The following ASPRV1 variants were observed in gnomAD, a reference collection of about 807,000 sequenced individuals.
ASPRV1 encodes aspartic peptidase retroviral like 1, also known as retroviral-like aspartic protease 1.
A neutral mutation model predicts 11.0 loss-of-function variants in ASPRV1; 7 were observed. The ratio of observed to expected loss-of-function variants is 0.64; its 90% CI spans 0.36 to 1.20. The LOEUF (loss-of-function observed/expected upper bound fraction) is 1.20. Among genes scored for constraint, ASPRV1 ranks in the 50% most tolerant of loss-of-function variants. ASPRV1 has a pLI of 0.02. For missense variants in ASPRV1, 299 were observed against 320.0 expected, an observed-to-expected ratio of 0.93 and a Z score of 0.50; for synonymous variants, 136 against 138.4, an observed-to-expected ratio of 0.98 and a Z score of 0.12.
chr2:69,955,005 G>C, the ASPRV1 span, among the ~76,000 whole-genome samples: 1 of 152,218 alleles, frequency 6.6e-6, no homozygotes, highest in African/African-American at 2.4e-5. Context: ...ACAATATCAA[G>C]CAGTCAAAAC....
At chr2:70,002,058 T>C in the ASPRV1 span, among the ~76,000 whole-genome samples, 1 of 152,136 alleles carries the variant, frequency 6.6e-6, no homozygotes, top group Non-Finnish European at 1.5e-5. Context: ...ACCATAGCAA[T>C]GTGTATCTCT....
At chr2:69,948,844 TCCCCCGCGGCGGGTCC>T in the ASPRV1 span, among the ~76,000 whole-genome samples, 1 of 151,732 alleles carries the variant, frequency 6.6e-6, no homozygotes, top group South Asian at 2.1e-4. Flanking sequence ...CACTCAGGCC[TCCCCCGCGGCGGGTCC>T]CCACCTGATC....
chr2:69,986,776 G>T, the ASPRV1 span, among the ~76,000 whole-genome samples: 13 of 152,228 alleles, frequency 8.5e-5, no homozygotes, highest in Admixed American at 6.5e-5. Context: ...CACCCATTGG[G>T]ACATTTGTGG....
the ASPRV1 span, among the ~76,000 whole-genome samples, chr2:69,953,420 C>T: frequency 3.9e-5 from 6 of 152,218 alleles, no homozygotes; most frequent in Admixed American, 6.5e-5. Context: ...GGACATAAGA[C>T]GGGGCCTCCT....
At chr2:70,064,590 C>T in the ASPRV1 span, among the ~76,000 whole-genome samples, 5 of 152,054 alleles carry the variant, frequency 3.3e-5, no homozygotes, top group East Asian at 5.8e-4. Flanking sequence ...GAAGAGCACA[C>T]GCAAAGGCCT....
At chr2:69,948,083 CAAAA>C in the ASPRV1 span, among the ~76,000 whole-genome samples, 1 of 137,948 alleles carries the variant, frequency 7.2e-6, no homozygotes, top group Non-Finnish European at 1.6e-5. Flanking sequence ...CCCCGTCTCT[CAAAA>C]AAAAAAAAAA....
At chr2:70,000,258 G>A in the ASPRV1 span, among the ~76,000 whole-genome samples, 1 of 145,300 alleles carries the variant, frequency 6.9e-6, no homozygotes, top group Non-Finnish European at 1.5e-5. Context: ...TAAGGCAGGA[G>A]TATTACTTGA....
At chr2:70,065,649 C>T in the ASPRV1 span, among the ~76,000 whole-genome samples, 3 of 150,686 alleles carry the variant, frequency 2.0e-5, no homozygotes, top group Non-Finnish European at 3.0e-5. Context: ...TGTGAGACCT[C>T]GTTTCTACAA....
chr2:69,999,508 TAGCC>T, the ASPRV1 span, among the ~76,000 whole-genome samples: 2 of 151,492 alleles, frequency 1.3e-5, no homozygotes, highest in African/African-American at 4.9e-5. Flanking sequence ...ATACAAAAAC[TAGCC>T]GGTGTGGTGG....
At chr2:69,980,108 C>T in the ASPRV1 span, among the ~76,000 whole-genome samples, 1 of 152,230 alleles carries the variant, frequency 6.6e-6, no homozygotes, top group East Asian at 1.9e-4. Flanking sequence ...GTACAGGGAG[C>T]ACGTGGGCAG....
At chr2:70,069,301 G>C in the ASPRV1 span, 1 of 152,214 alleles carries the variant, frequency 6.6e-6, no homozygotes, top group Non-Finnish European at 1.5e-5. Context: ...AGGGACTGAA[G>C]GGCTGGGGAA....
chr2:70,001,300 G>C, the ASPRV1 span, among the ~76,000 whole-genome samples: 2 of 151,784 alleles, frequency 1.3e-5, no homozygotes, highest in South Asian at 4.2e-4. Flanking sequence ...AGGCCGAGGA[G>C]GATGAATTAC....
chr2:69,981,925 TCTATGTC>T, the ASPRV1 span, among the ~76,000 whole-genome samples: 2 of 152,196 alleles, frequency 1.3e-5, no homozygotes, highest in South Asian at 4.2e-4. Flanking sequence ...CAGAGCCAGG[TCTATGTC>T]GGCAGAGCAG....
At chr2:70,042,277 G>A in the ASPRV1 span, among the ~76,000 whole-genome samples, 3 of 152,284 alleles carry the variant, frequency 2.0e-5, no homozygotes, top group East Asian at 3.9e-4. Context: ...AAGGCAGCAG[G>A]ACAGACTAGC....
the ASPRV1 span, among the ~76,000 whole-genome samples, chr2:70,011,456 T>A: frequency 6.6e-6 from 1 of 151,200 alleles, no homozygotes; most frequent in Non-Finnish European, 1.5e-5. Flanking sequence ...ATTGGGAAAA[T>A]GTTTAGGAGG....
chr2:70,007,302 G>GCCT, the ASPRV1 span, among the ~76,000 whole-genome samples: 3 of 152,098 alleles, frequency 2.0e-5, no homozygotes, highest in South Asian at 6.2e-4. Flanking sequence ...TGGATCACCT[G>GCCT]AGGTCAGGAG....
the ASPRV1 span, among the ~76,000 whole-genome samples, chr2:70,035,343 G>C: frequency 6.6e-6 from 1 of 152,134 alleles, no homozygotes; most frequent in African/African-American, 2.4e-5. Flanking sequence ...TCACAGAGCA[G>C]AAAAGTCCTA....
the ASPRV1 span, among the ~76,000 whole-genome samples, chr2:70,072,015 G>A: frequency 6.6e-6 from 1 of 151,538 alleles, no homozygotes; most frequent in Non-Finnish European, 1.5e-5. Flanking sequence ...GCAGTGGCAC[G>A]ATCTCAGCTC....
At chr2:70,081,634 A>G in the ASPRV1 span, 2 of 152,070 alleles carry the variant, frequency 1.3e-5, no homozygotes, top group African/African-American at 4.8e-5. Flanking sequence ...TCCGGACTGA[A>G]GTGCAGTGAC....
Sources: gnomAD v4.1 joint callset for allele counts (sites outside exome capture counted in the v4.1 genomes callset) on GRCh38, gnomAD v4.1.1 for gene constraint, MANE v1.5 for transcripts, NCBI Gene and HGNC (gene_info 2026-07-23, HGNC 2026-07-21) for gene names.